OPCML: variants seen among roughly 807,000 people sequenced by gnomAD.
OPCML encodes opioid binding protein/cell adhesion molecule like.
A neutral mutation model predicts 37.8 loss-of-function variants in OPCML; 13 were observed. The ratio of observed to expected loss-of-function variants is 0.34; its 90% CI spans 0.22 to 0.55. The LOEUF is 0.55. Among genes scored for constraint, OPCML ranks in the 20% least tolerant of loss-of-function variants. The pLI, the probability that OPCML is intolerant of heterozygous loss-of-function variation, is 0.91. For synonymous variants in OPCML, 176 were observed against 168.8 expected (o/e 1.04, Z -0.33); for missense variants, 341 against 435.6 (o/e 0.78, Z 1.93).
intron 1 of OPCML, among the ~76,000 whole-genome samples, chr11:133,338,506 G>A (rs4609612): frequency 6.6e-6 from 1 of 152,172 alleles, no homozygotes; most frequent in Non-Finnish European, 1.5e-5. Context: ...CTCCTATAAA[G>A]AGGGCCAACA....
intron 2 of OPCML, among the ~76,000 whole-genome samples, chr11:132,912,834 C>T (rs1245713106): frequency 6.6e-6 from 1 of 152,206 alleles, no homozygotes; most frequent in African/African-American, 2.4e-5. Context: ...CTTTCAGTGG[C>T]TTCCCGTAGG....
chr11:132,999,155 G>A (rs1458239481), intron 1 of OPCML, among the ~76,000 whole-genome samples: 1 of 152,150 alleles, frequency 6.6e-6, no homozygotes, highest in Non-Finnish European at 1.5e-5. Context: ...GCCCTATCTG[G>A]CAGGAGCTCT....
At chr11:133,366,655 A>G (rs1019495180) in intron 1 of OPCML, among the ~76,000 whole-genome samples, 2 of 152,206 alleles carry the variant, frequency 1.3e-5, no homozygotes, top group Non-Finnish European at 2.9e-5. Context: ...TAATCTCAAA[A>G]AAAAAGAATA....
At chr11:132,511,434 A>G (rs1178169959) in intron 4 of OPCML, among the ~76,000 whole-genome samples, 1 of 152,140 alleles carries the variant, frequency 6.6e-6, no homozygotes, top group Non-Finnish European at 1.5e-5. Context: ...ATAAAATTAT[A>G]TGAAAATACA....
chr11:133,437,000 G>T (rs1276652176), intron 1 of OPCML, among the ~76,000 whole-genome samples: 1 of 152,132 alleles, frequency 6.6e-6, no homozygotes, highest in Non-Finnish European at 1.5e-5. Context: ...TCACACATCC[G>T]CATGAGCCCA....
chr11:133,390,319 C>T (rs894209358), intron 1 of OPCML, among the ~76,000 whole-genome samples: 10 of 151,930 alleles, frequency 6.6e-5, no homozygotes, highest in East Asian at 3.9e-4. Flanking sequence ...AAAAATTAGC[C>T]GGGTGTGGTG....
At chr11:132,992,582 G>A (rs997033477) in intron 1 of OPCML, among the ~76,000 whole-genome samples, 1 of 152,154 alleles carries the variant, frequency 6.6e-6, no homozygotes, top group Non-Finnish European at 1.5e-5. Context: ...TGGTATTCTT[G>A]TGTGTGTATC....
intron 2 of OPCML, among the ~76,000 whole-genome samples, chr11:132,746,375 A>G (rs1216331340): frequency 1.3e-5 from 2 of 152,160 alleles, no homozygotes; most frequent in East Asian, 3.9e-4. Context: ...ATGTCACAGG[A>G]CTTACACAAG....
intron 4 of OPCML, among the ~76,000 whole-genome samples, chr11:132,449,836 C>T (rs1045435151): frequency 6.6e-6 from 1 of 152,134 alleles, no homozygotes; most frequent in African/African-American, 2.4e-5. Context: ...TTTCTTAGGT[C>T]GCTCAGCCAC....
At chr11:133,396,236 C>T (rs768609821) in intron 1 of OPCML, among the ~76,000 whole-genome samples, 5 of 151,852 alleles carry the variant, frequency 3.3e-5, no homozygotes, top group Non-Finnish European at 5.9e-5. Context: ...TTGTATCCTG[C>T]AAATAAATTA....
intron 2 of OPCML, among the ~76,000 whole-genome samples, chr11:132,827,238 C>T (rs560339658): frequency 2.0e-5 from 3 of 152,052 alleles, no homozygotes; most frequent in Non-Finnish European, 4.4e-5. Context: ...ACAATTGACC[C>T]AATTTTAAAG....
chr11:132,457,756 G>T (rs1052080830), intron 4 of OPCML, among the ~76,000 whole-genome samples: 1 of 152,168 alleles, frequency 6.6e-6, no homozygotes, highest in South Asian at 2.1e-4. Context: ...TGCCCCAGCT[G>T]CCTGGTGTAC....
Position 132,643,644 on chromosome 11 carries a change from T to G in OPCML, c.379+13443A>C, listed in dbSNP as rs74765262. On this transcript the variant is annotated intron_variant, in intron 3 of 7. Coordinates refer to ENST00000524381, the MANE Select transcript of OPCML (RefSeq NM_001012393.5). ...TTTGCAGGCATCTTCAAGTTCTTCT[T>G]CCATCTCTTTCCCTTATCACCTTTT... 5.3e-3 allele frequency among the ~76,000 whole-genome samples: 808 copies of G among 152,264 alleles called. 9 individuals carry two copies. The highest frequency in any genetic ancestry group is 0.017 in the African/African-American group (700 of 41,558).
intron 3 of OPCML, among the ~76,000 whole-genome samples, chr11:132,534,200 C>T (rs2096334121): frequency 6.6e-6 from 1 of 152,098 alleles, no homozygotes; most frequent in Admixed American, 6.6e-5. Context: ...GCTAATGACC[C>T]CAGTCTCCCA....
intron 4 of OPCML, among the ~76,000 whole-genome samples, chr11:132,498,716 G>A (rs1021043739): frequency 2.1e-5 from 3 of 142,794 alleles, no homozygotes; most frequent in Admixed American, 1.3e-4. Context: ...TATAGGATCC[G>A]AAGAACCCAA....
chr11:133,229,738 A>G (rs1323883249), intron 1 of OPCML, among the ~76,000 whole-genome samples: 1 of 152,242 alleles, frequency 6.6e-6, no homozygotes, highest in Non-Finnish European at 1.5e-5. Flanking sequence ...GGCTTGGAGT[A>G]TATTCCCTGA....
rs117751068 is a variant in OPCML at position 132,994,798 on chromosome 11, A to G, written c.62-51788T>C. 4.7e-3 allele frequency among the ~76,000 whole-genome samples: 718 copies of G among 152,356 alleles called. 3 individuals are homozygous for G. The highest frequency in any genetic ancestry group is 7.9e-3 in the Non-Finnish European group (540 of 68,032). On this transcript the variant is annotated intron_variant, in intron 1 of 7. Coordinates refer to ENST00000524381, the MANE Select transcript of OPCML (RefSeq NM_001012393.5). ...CCTCACATTCTTGTGAACAATGCGG[A>G]CATATAATCAAATGAATGGAAGCAA...
chr11:132,765,167 C>A (rs1208628745), intron 2 of OPCML, among the ~76,000 whole-genome samples: 1 of 152,138 alleles, frequency 6.6e-6, no homozygotes, highest in Non-Finnish European at 1.5e-5. Context: ...GGCTCTAGAG[C>A]CCTGGGTTTC....
intron 1 of OPCML, among the ~76,000 whole-genome samples, chr11:133,046,628 G>A (rs1194754776): frequency 6.6e-6 from 1 of 152,154 alleles, no homozygotes; most frequent in Admixed American, 6.5e-5. Flanking sequence ...ATTCCTCCCT[G>A]CATAGCCCCT....
Sources: gnomAD v4.1 joint callset for allele counts (sites outside exome capture counted in the v4.1 genomes callset) on GRCh38, gnomAD v4.1.1 for gene constraint, MANE v1.5 for transcripts, NCBI Gene and HGNC (gene_info 2026-07-23, HGNC 2026-07-21) for gene names.